The following ZEB1 variants were observed in gnomAD, a reference collection of about 807,000 sequenced individuals.
The protein encoded by ZEB1 is zinc finger E-box-binding homeobox 1.
Under a neutral mutation model 84.9 loss-of-function variants are expected in ZEB1, and 21 were observed. The ratio of observed to expected loss-of-function variants is 0.25; its 90% CI spans 0.18 to 0.36. The LOEUF (loss-of-function observed/expected upper bound fraction) is 0.36, where lower values mean the gene tolerates loss of function less well. ZEB1 is among the 10% of genes least tolerant of loss of function. The pLI is 1.00. For synonymous variants in ZEB1, 420 were observed against 471.1 expected (o/e 0.89, Z 1.41); for missense variants, 1,104 against 1,330.2 (o/e 0.83, Z 2.65).
At chr10:31,467,117 A>G (rs1438448987) in intron 2 of ZEB1, among the ~76,000 whole-genome samples, 1 of 152,154 alleles carries the variant, frequency 6.6e-6, no homozygotes, top group East Asian at 1.9e-4. Flanking sequence ...TAGGACCAGA[A>G]TGGACCCAAG....
chr10:31,379,552 G>A (rs1457418875), intron 1 of ZEB1, among the ~76,000 whole-genome samples: 4 of 151,556 alleles, frequency 2.6e-5, no homozygotes, highest in Admixed American at 2.0e-4. Flanking sequence ...TTAAAGCGTG[G>A]GTCAATCTGT....
chr10:31,332,256 G>C (rs1369143921), intron 1 of ZEB1, among the ~76,000 whole-genome samples: 1 of 152,142 alleles, frequency 6.6e-6, no homozygotes, highest in Non-Finnish European at 1.5e-5. Flanking sequence ...GCTGGTATCT[G>C]TGCACCAAGT....
chr10:31,447,225 T>A (rs1591374171), intron 1 of ZEB1, among the ~76,000 whole-genome samples: 4 of 152,028 alleles, frequency 2.6e-5, no homozygotes, highest in Admixed American at 1.3e-4. Context: ...TATCAGAGAC[T>A]AGGATTGCAA....
intron 2 of ZEB1, among the ~76,000 whole-genome samples, chr10:31,464,363 GAA>G (rs2062144303): frequency 6.6e-6 from 1 of 151,626 alleles, no homozygotes; most frequent in Non-Finnish European, 1.5e-5. Flanking sequence ...AGAAAAAAAA[GAA>G]AAAAGAAAAG....
chr10:31,525,974 A>T (rs1356542024), intron 8 of ZEB1, among the ~76,000 whole-genome samples: 1 of 152,252 alleles, frequency 6.6e-6, no homozygotes, highest in African/African-American at 2.4e-5. Context: ...TAACTGCTTG[A>T]TAGCTCTGAA....
intron 3 of ZEB1, among the ~76,000 whole-genome samples, chr10:31,500,298 A>T (rs1390803683): frequency 6.6e-6 from 1 of 152,098 alleles, no homozygotes; most frequent in African/African-American, 2.4e-5. Context: ...TTTTTGTTCT[A>T]CCTAATGACA....
intron 6 of ZEB1, among the ~76,000 whole-genome samples, chr10:31,516,351 C>A (rs1399580575): frequency 1.3e-5 from 2 of 151,584 alleles, no homozygotes; most frequent in African/African-American, 4.8e-5. Context: ...ATACCTTTAA[C>A]ATAGCAAGTA....
chr10:31,421,960 C>T (rs1212632021), intron 1 of ZEB1, among the ~76,000 whole-genome samples: 1 of 152,062 alleles, frequency 6.6e-6, no homozygotes, highest in African/African-American at 2.4e-5. Flanking sequence ...CAAGTGACCA[C>T]CTCTGATCCC....
At chr10:31,463,476 G>A (rs1226983494) in intron 2 of ZEB1, among the ~76,000 whole-genome samples, 2 of 152,180 alleles carry the variant, frequency 1.3e-5, no homozygotes, top group African/African-American at 2.4e-5. Flanking sequence ...CCTAGCCAGT[G>A]AAATGTAAGG....
intron 1 of ZEB1, among the ~76,000 whole-genome samples, chr10:31,450,974 C>A (rs1250699462): frequency 1.3e-5 from 2 of 151,822 alleles, no homozygotes; most frequent in Non-Finnish European, 2.9e-5. Context: ...ATGTTGACTT[C>A]CTAGAATTCA....
intron 1 of ZEB1, among the ~76,000 whole-genome samples, chr10:31,457,958 C>A (rs2061426463): frequency 6.6e-6 from 1 of 152,088 alleles, no homozygotes; most frequent in African/African-American, 2.4e-5. Context: ...AATATTGCAT[C>A]ATTAAAAGGT....
chr10:31,402,641 G>GT (rs543465853), intron 1 of ZEB1, among the ~76,000 whole-genome samples: 42 of 148,934 alleles, frequency 2.8e-4, no homozygotes, highest in East Asian at 9.8e-4. Context: ...ATTGCTGTGT[G>GT]TTTTTTTTTT....
intron 1 of ZEB1, among the ~76,000 whole-genome samples, chr10:31,440,263 T>A (rs2058764179): frequency 6.6e-6 from 1 of 152,098 alleles, no homozygotes; most frequent in Non-Finnish European, 1.5e-5. Flanking sequence ...GTAAAAAATT[T>A]CCCATTAGAA....
intron 1 of ZEB1, among the ~76,000 whole-genome samples, chr10:31,357,830 G>A (rs2042356199): frequency 6.6e-6 from 1 of 151,836 alleles, no homozygotes; most frequent in Admixed American, 6.6e-5. Context: ...TTTTTTCAAG[G>A]ACTCAGTTTG....
In ZEB1 at chr10:31,431,583, A is replaced by C. The variant is rs161267; in HGVS notation, c.59-29454A>C. The stretch of plus-strand genomic sequence containing the variant: ...AACTCCGCATCCTACTTTTAGTGGG[A>C]TATAAGGGTTATTAAATCACACTTC... On this transcript the variant is annotated intron_variant, in intron 1 of 8. Coordinates refer to ENST00000424869, the MANE Select transcript of ZEB1 (RefSeq NM_001174096.2). Among the ~76,000 whole-genome samples the C allele has an allele frequency of 2.6e-3, 398 of 152,212 alleles. 2 individuals carry two copies. The highest frequency in any genetic ancestry group is 4.6e-3 in the Non-Finnish European group (312 of 68,014).
At chr10:31,400,989 G>T (rs2135482213) in intron 1 of ZEB1, among the ~76,000 whole-genome samples, 1 of 152,216 alleles carries the variant, frequency 6.6e-6, no homozygotes, top group Non-Finnish European at 1.5e-5. Context: ...CCATCTTGCT[G>T]ATGTATCATT....
At chr10:31,518,713 G>C (rs1045957974) in intron 6 of ZEB1, among the ~76,000 whole-genome samples, 2 of 152,056 alleles carry the variant, frequency 1.3e-5, no homozygotes, top group African/African-American at 2.4e-5. Flanking sequence ...AACCAGACAG[G>C]ACCATCTTGT....
chr10:31,447,515 G>A (rs1564898175), intron 1 of ZEB1, among the ~76,000 whole-genome samples: 1 of 133,642 alleles, frequency 7.5e-6, no homozygotes, highest in Non-Finnish European at 1.6e-5. Flanking sequence ...AGTCTCGATG[G>A]TCTTTACATT....
At chr10:31,496,187 T>A (rs1031223979) in intron 3 of ZEB1, among the ~76,000 whole-genome samples, 1 of 152,070 alleles carries the variant, frequency 6.6e-6, no homozygotes, top group African/African-American at 2.4e-5. Context: ...TTGAGTTTCG[T>A]TATTAGTTAC....
Sources: gnomAD v4.1 joint callset for allele counts (sites outside exome capture counted in the v4.1 genomes callset) on GRCh38, gnomAD v4.1.1 for gene constraint, MANE v1.5 for transcripts, NCBI Gene and HGNC (gene_info 2026-07-23, HGNC 2026-07-21) for gene names.